Variants in NECTIN3 observed in about 807,000 individuals in gnomAD.
NECTIN3 encodes nectin cell adhesion molecule 3, also known as nectin-3.
Under a neutral mutation model 49.4 loss-of-function variants are expected in NECTIN3, and 8 were observed. That is an observed-to-expected ratio of 0.16 (90% CI 0.10 to 0.29). NECTIN3 has a LOEUF of 0.29. Among genes scored for constraint, NECTIN3 ranks in the 10% least tolerant of loss-of-function variants. The pLI, the probability that NECTIN3 is intolerant of heterozygous loss-of-function variation, is 1.00. For missense variants in NECTIN3, 581 were observed against 654.6 expected, an observed-to-expected ratio of 0.89 and a Z score of 1.23; for synonymous variants, 277 against 241.1, an observed-to-expected ratio of 1.15 and a Z score of -1.38.
In NECTIN3 at chr3:111,118,788, A is replaced by C. The variant is rs2033819542; in HGVS notation, c.635A>C (p.Glu212Ala). ...AHIDWEGDLG[E>A]MESTTTSFPN... is the part of the protein sequence containing the mutation. ...ATTGACTGGGAAGGTGATCTTGGTGAAATGGAATCCACTACAACTTCTTTT... is the reference window on the plus strand; with the variant it reads ...ATTGACTGGGAAGGTGATCTTGGTGCAATGGAATCCACTACAACTTCTTTT... Residue 212 changes from glutamate (E) to alanine (A), a missense_variant, in exon 3 of 6, where the codon GAA becomes GCA. By Grantham distance (107) the Glu-to-Ala change is moderately radical. Around this residue, in one of 3 missense-constraint regions of NECTIN3, gnomAD observed 234 missense variants for 340.6 expected, o/e 0.69. Coordinates refer to ENST00000485303, the MANE Select transcript of NECTIN3 (RefSeq NM_015480.3). 3 of 1,614,168 alleles carry C rather than the reference A, an allele frequency of 1.9e-6. No homozygotes were observed. The highest frequency in any genetic ancestry group is 2.5e-6 in the Non-Finnish European group (3 of 1,180,026).
intron 2 of NECTIN3, 109 bp downstream of exon 2, chr3:111,112,480 A>T: frequency 2.8e-6 from 2 of 703,692 alleles, no homozygotes; most frequent in Non-Finnish European, 2.2e-6. Flanking sequence ...GGTTTAAAGT[A>T]AAATAATTCA....
intron 1 of NECTIN3, among the ~76,000 whole-genome samples, chr3:111,086,676 C>A (rs982728127): frequency 5.3e-5 from 8 of 152,062 alleles, no homozygotes; most frequent in Non-Finnish European, 2.9e-5. Flanking sequence ...GGAGTAAGCT[C>A]GCCTATTCAG....
chr3:111,098,423 A>AG (rs2107412986), intron 1 of NECTIN3, among the ~76,000 whole-genome samples: 1 of 152,318 alleles, frequency 6.6e-6, no homozygotes, highest in African/African-American at 2.4e-5. Context: ...AGTGGCTCTA[A>AG]GGGAGATTTT....
chr3:111,189,909 C>G (rs1366455262), upstream of NECTIN3, among the ~76,000 whole-genome samples: 1 of 152,104 alleles, frequency 6.6e-6, no homozygotes, highest in Non-Finnish European at 1.5e-5. Context: ...TCTGCCTGGG[C>G]TGAGGACAGC....
At chr3:111,185,031 A>G (rs2035693329) in intron 7 of NECTIN3, among the ~76,000 whole-genome samples, 1 of 152,220 alleles carries the variant, frequency 6.6e-6, no homozygotes, top group Admixed American at 6.5e-5. Context: ...AATTGTTAAG[A>G]TAACAGCTCC....
At chr3:111,143,013 T>G (rs1175609601) in intron 5 of NECTIN3, among the ~76,000 whole-genome samples, 1 of 151,850 alleles carries the variant, frequency 6.6e-6, no homozygotes, top group South Asian at 2.1e-4. Context: ...CTTGGTCAAA[T>G]TGCATAACCT....
chr3:111,170,929 A>G (rs2035422294), intron 7 of NECTIN3, among the ~76,000 whole-genome samples: 1 of 152,220 alleles, frequency 6.6e-6, no homozygotes. Flanking sequence ...TAATTTTACC[A>G]GGGTCATCTT....
rs1246798843 is a variant in NECTIN3, at chr3:111,072,092, C to G, written c.75C>G (p.Leu25=). 1.3e-6 allele frequency: 2 copies of G among 1,549,512 alleles called. No homozygotes were observed. Among genetic ancestry groups the G allele is most frequent in the Admixed American group, 3.9e-5 (2 of 50,904 alleles). Residue 25 remains leucine (L), a synonymous_variant, in exon 1 of 6, where the codon CTC becomes CTG. Coordinates refer to ENST00000485303, the MANE Select transcript of NECTIN3 (RefSeq NM_015480.3). ...GKAQLSSASL[L]GAGLLLQPPT... The stretch of plus-strand genomic sequence containing the variant: ...CACAACTTTCCTCCGCTTCTCTCCT[C>G]GGAGCCGGGCTCCTGCTGCAGCCCC...
intron 7 of NECTIN3, among the ~76,000 whole-genome samples, chr3:111,153,577 G>A (rs2035040054): frequency 6.6e-6 from 1 of 151,934 alleles, no homozygotes; most frequent in African/African-American, 2.4e-5. Context: ...AGTAATTACT[G>A]TGCATTTGCT....
intron 1 of NECTIN3, among the ~76,000 whole-genome samples, chr3:111,102,496 G>T (rs546251346): frequency 3.3e-5 from 5 of 152,320 alleles, no homozygotes; most frequent in Admixed American, 1.3e-4. Context: ...GTCCAACCCA[G>T]GTTAAATCTT....
Position 111,134,467 on chromosome 3 carries a change from G to A in NECTIN3, c.*252G>A, listed in dbSNP as rs1487948763. On this transcript the variant is annotated 3_prime_UTR_variant, in exon 6 of 6. Transcript: ENST00000485303. Reference sequence around the variant, plus strand: ...TTTTAATGCAGAGTACTTTATTGGTGTGAGGCACACAGGTAAGAAGAAATG... The same window carrying A: ...TTTTAATGCAGAGTACTTTATTGGTATGAGGCACACAGGTAAGAAGAAATG... The A allele has an allele frequency of 3.2e-5, 36 of 1,136,162 alleles. No individual in the cohort carries two copies. Among genetic ancestry groups the A allele is most frequent in the Non-Finnish European group, 3.8e-5 (35 of 925,362 alleles). 70.4% of individuals were successfully genotyped at this position (1,136,162 alleles called of 1,614,324 possible).
Position 111,112,015 on chromosome 3 carries a change from T to C in NECTIN3, c.161-15T>C. ...TTCTATTTTAAAAATTGTAGTACTT[T>C]TTTTTCCTCCATAGGTGCCTTAGCT... On this transcript the variant is annotated splice_polypyrimidine_tract_variant and intron_variant, in intron 1 of 5. Transcript: ENST00000485303. 1 of 1,560,040 alleles carries C rather than the reference T, an allele frequency of 6.4e-7. No individual in the cohort carries two copies. The highest frequency in any genetic ancestry group is 8.7e-7 in the Non-Finnish European group (1 of 1,153,406).
intron 1 of NECTIN3, among the ~76,000 whole-genome samples, chr3:111,086,954 CTT>C (rs1364174525): frequency 2.0e-5 from 3 of 152,030 alleles, no homozygotes; most frequent in Non-Finnish European, 2.9e-5. Flanking sequence ...TTAGATTAAA[CTT>C]AATCTAATTT....
At chr3:111,094,240 T>C (rs1210505148) in intron 1 of NECTIN3, among the ~76,000 whole-genome samples, 1 of 152,160 alleles carries the variant, frequency 6.6e-6, no homozygotes, top group Non-Finnish European at 1.5e-5. Flanking sequence ...ATTTTATGTC[T>C]ATTGACTTAT....
At chr3:111,091,473 C>T (rs1288671781) in intron 1 of NECTIN3, among the ~76,000 whole-genome samples, 1 of 152,048 alleles carries the variant, frequency 6.6e-6, no homozygotes, top group African/African-American at 2.4e-5. Flanking sequence ...TGGATGGTCT[C>T]AATCTCCTGA....
chr3:111,103,907 G>A (rs1006136667), intron 1 of NECTIN3, among the ~76,000 whole-genome samples: 11 of 152,028 alleles, frequency 7.2e-5, no homozygotes, highest in South Asian at 2.1e-4. Flanking sequence ...ATATTCATTC[G>A]TCTCTTGATG....
chr3:111,093,891 C>T, intron 1 of NECTIN3, among the ~76,000 whole-genome samples: 1 of 152,004 alleles, frequency 6.6e-6, no homozygotes, highest in South Asian at 2.1e-4. Context: ...GTTTTAAAAC[C>T]TCTATTAGTC....
chr3:111,185,232 G>T (rs2035697329), intron 7 of NECTIN3, among the ~76,000 whole-genome samples: 1 of 152,104 alleles, frequency 6.6e-6, no homozygotes, highest in African/African-American at 2.4e-5. Context: ...CCCCAGTTCA[G>T]CAAGATCCTG....
In NECTIN3 at chr3:111,118,768, C is replaced by G; in HGVS notation, c.615C>G (p.Asp205Glu). ...AATGKPVAHI[D>E]WEGDLGEMES... ...CTGGAAAACCCGTTGCACATATTGA[C>G]TGGGAAGGTGATCTTGGTGAAATGG... The change falls in exon 3 of 6, where the codon GAC becomes GAG. Residue 205 changes from aspartate (D) to glutamate (E), a missense_variant. Coordinates refer to ENST00000485303, the MANE Select transcript of NECTIN3 (RefSeq NM_015480.3). 1 of 1,614,138 alleles carries G rather than the reference C, an allele frequency of 6.2e-7. No homozygotes were observed. The highest frequency in any genetic ancestry group is 1.7e-5 in the Admixed American group (1 of 60,028).
Sources: allele counts gnomAD v4.1 joint callset (sites outside exome capture counted in the v4.1 genomes callset), GRCh38; gene constraint gnomAD v4.1.1; regional missense constraint gnomAD v4.1.1; transcripts MANE v1.5; gene names NCBI Gene and HGNC (gene_info 2026-07-23, HGNC 2026-07-21).